TMPRSS6: variants seen among roughly 807,000 people sequenced by gnomAD.
TMPRSS6 encodes the protein transmembrane protease serine 6.
A neutral mutation model predicts 101.5 loss-of-function variants in TMPRSS6; 67 were observed. The observed-to-expected ratio is 0.66, with a 90% confidence interval of 0.54 to 0.81. The LOEUF is 0.81. Ranked by LOEUF, TMPRSS6 falls within the 30% of genes least tolerant of loss-of-function variation. The pLI is 0.00. For missense variants in TMPRSS6, 1,034 were observed against 1,088.7 expected (o/e 0.95, Z 0.71); for synonymous variants, 453 against 464.9 (o/e 0.97, Z 0.33).
At chr22:37,093,239 C>G (rs1043451943) in intron 6 of TMPRSS6, among the ~76,000 whole-genome samples, 3 of 152,116 alleles carry the variant, frequency 2.0e-5, no homozygotes, top group African/African-American at 7.2e-5. Flanking sequence ...GAAACGAACA[C>G]CCACTGAGCA....
rs980649543 is a variant in TMPRSS6, at chr22:37,103,609, C to T, written c.-1-191G>A. ...GAGGGAAGTGCATCTCAGGTCAGCT[C>T]GCACCAGAGGGCAGGCACCAGAGCT... On this transcript the variant is annotated intron_variant, in intron 1 of 17. Transcript: ENST00000676104. This position sits in a 1 kb window ranked among gnomAD's most constrained non-coding sequence, Gnocchi z 4.4. 8 of 1,607,790 alleles carry T rather than the reference C, an allele frequency of 5.0e-6. No homozygotes were observed. In the African/African-American group the frequency reaches 6.7e-5, roughly 13 times the overall value.
rs554506763 is a variant in TMPRSS6, at chr22:37,073,473, T to C, written c.1555+59A>G. 8.4e-5 allele frequency: 99 copies of C among 1,173,118 alleles called. No individual in the cohort carries two copies. In the South Asian group the frequency reaches 9.0e-4, roughly 11 times the overall value. The allele number at this position is 1,173,118 out of a possible 1,614,324, so 72.7% of individuals were successfully genotyped here. A position where few individuals can be genotyped will look rare whatever the true frequency, so the allele number is the denominator to read the frequency against. On this transcript the variant is annotated intron_variant, in intron 13 of 17. Coordinates refer to ENST00000676104, the MANE Select transcript of TMPRSS6 (RefSeq NM_001374504.1). ...GAAGCTAGAAACTTTTGCTGAAGCA[T>C]GTAGCAGGCCTAGACTGCCTTTGGT...
At chr22:37,107,383 C>T (rs958565443) in intron 1 of TMPRSS6, among the ~76,000 whole-genome samples, 1 of 152,082 alleles carries the variant, frequency 6.6e-6, no homozygotes, top group Non-Finnish European at 1.5e-5. Flanking sequence ...CCACTCTTGT[C>T]TTTACTATCT....
chr22:37,098,262 C>A (rs1040303430), intron 3 of TMPRSS6, among the ~76,000 whole-genome samples, 154 bp downstream of exon 3: 1 of 152,138 alleles, frequency 6.6e-6, no homozygotes, highest in Admixed American at 6.5e-5. Flanking sequence ...TCCCATGACC[C>A]TCAACCTCAT....
chr22:37,094,422 GATAGATAT>G (rs764087417), intron 6 of TMPRSS6, among the ~76,000 whole-genome samples: 1 of 149,298 alleles, frequency 6.7e-6, no homozygotes, highest in Non-Finnish European at 1.5e-5. Flanking sequence ...TAGATAGATA[GATAGATAT>G]AAACAGACAG....
chr22:37,102,060 T>C (rs1214952971), intron 2 of TMPRSS6, among the ~76,000 whole-genome samples: 2 of 152,222 alleles, frequency 1.3e-5, no homozygotes, highest in Admixed American at 1.3e-4. Flanking sequence ...CCTGACCCCT[T>C]GGATCTAGGC....
chr22:37,094,920 C>T (rs945668605), intron 6 of TMPRSS6, among the ~76,000 whole-genome samples: 4 of 152,202 alleles, frequency 2.6e-5, no homozygotes, highest in African/African-American at 9.7e-5. Flanking sequence ...CCAGTTGGTG[C>T]ACTGCACAAC....
intron 6 of TMPRSS6, among the ~76,000 whole-genome samples, chr22:37,095,067 G>T (rs993456293): frequency 6.6e-6 from 1 of 152,226 alleles, no homozygotes; most frequent in African/African-American, 2.4e-5. Context: ...GGGAGGGAGG[G>T]CTGATGAGCC....
Position 37,089,838 on chromosome 22 carries a change from C to T in TMPRSS6, c.632-56G>A. 3.2e-6 allele frequency: 5 copies of T among 1,558,926 alleles called. No homozygotes were observed. The South Asian group carries it at 5.9e-5, about 18-fold the overall frequency. On this transcript the variant is annotated intron_variant, in intron 6 of 17. Transcript: ENST00000676104. ...TTCCTGTGAGCCAGAAGGAGGGGAC[C>T]CTGGGGAGCCAGGTCCCTCAAGGTC...
chr22:37,084,324 G>A lies in TMPRSS6; in HGVS notation c.1167C>T (p.Thr389=), dbSNP rs778791480. The A allele has an allele frequency of 6.2e-7, 1 of 1,613,712 alleles. No homozygotes were observed. Among genetic ancestry groups the A allele is most frequent in the Non-Finnish European group, 8.5e-7 (1 of 1,179,820 alleles). The part of the protein sequence containing the change: ...LRRQKYDLPC[T]QGQWTIQNRR... ...TGTTCTGGATCGTCCACTGGCCCTGGGTGCACGGCAAATCATACTTCTGCC... is the reference window on the plus strand; with the variant it reads ...TGTTCTGGATCGTCCACTGGCCCTGAGTGCACGGCAAATCATACTTCTGCC... The change falls in exon 10 of 18, where the codon ACC becomes ACT. Residue 389 remains threonine, a synonymous_variant. Transcript: ENST00000676104.
At chr22:37,067,249 A>T (rs536085686) in intron 16 of TMPRSS6, among the ~76,000 whole-genome samples, 12 of 152,178 alleles carry the variant, frequency 7.9e-5, no homozygotes, top group East Asian at 3.9e-4. Context: ...GGCGGACGGA[A>T]CACCTGAGGT....
At chr22:37,067,056 C>G (rs1926369552) in intron 16 of TMPRSS6, 94 bp from the exon 17 acceptor site, 1 of 1,568,848 alleles carries the variant, frequency 6.4e-7, no homozygotes, top group Non-Finnish European at 8.7e-7. Flanking sequence ...TCTCAGGAGC[C>G]TACTTCTCTC....
chr22:37,084,174 T>C (rs1405701490), intron 10 of TMPRSS6, 121 bp downstream of exon 10: 1 of 876,390 alleles, frequency 1.1e-6, no homozygotes, highest in Non-Finnish European at 1.9e-6. Flanking sequence ...CTCTGCTCGC[T>C]CCCCTTGCTG....
intron 12 of TMPRSS6, among the ~76,000 whole-genome samples, chr22:37,074,396 T>C (rs1269913959): frequency 6.6e-6 from 1 of 151,968 alleles, no homozygotes; most frequent in Non-Finnish European, 1.5e-5. Context: ...TCCCCACTTC[T>C]CCCTGCCACT....
intron 1 of TMPRSS6, among the ~76,000 whole-genome samples, chr22:37,105,108 G>A (rs1273667151): frequency 1.3e-5 from 2 of 152,186 alleles, no homozygotes; most frequent in Non-Finnish European, 2.9e-5. Flanking sequence ...TGGATGTGAA[G>A]GGCCCTGGCC....
intron 15 of TMPRSS6, 31 bp downstream of exon 15, chr22:37,070,449 TCTTA>T (rs1284355077): frequency 3.7e-6 from 6 of 1,612,808 alleles, no homozygotes; most frequent in Non-Finnish European, 5.1e-6. Context: ...TGCCCTTGTC[TCTTA>T]CTGCCTAGGC....
rs1297885242 is a variant in TMPRSS6, at chr22:37,103,341, C to T, written c.77G>A (p.Gly26Glu). The change falls in exon 2 of 18, where the codon GGG becomes GAG. Residue 26 changes from glycine (G) to glutamate (E), a missense_variant. Gly to Glu is a moderately conservative substitution (Grantham distance 98). Transcript: ENST00000676104. This position sits in a 1 kb window ranked among gnomAD's most constrained non-coding sequence, Gnocchi z 4.4. ...GGDGEEAEPE[G>E]MFKACEDSKR... ...GGAGTCCTCACAGGCCTTGAACATCCCCTCCGGCTCCGCTTCCTCGCCATC... is the reference window on the plus strand; with the variant it reads ...GGAGTCCTCACAGGCCTTGAACATCTCCTCCGGCTCCGCTTCCTCGCCATC... 1.2e-6 allele frequency: 2 copies of T among 1,614,198 alleles called. No homozygotes were observed. Among genetic ancestry groups the T allele is most frequent in the East Asian group, 4.5e-5 (2 of 44,886 alleles).
At chr22:37,075,693 G>A (rs1312269454) in intron 10 of TMPRSS6, among the ~76,000 whole-genome samples, 1 of 152,200 alleles carries the variant, frequency 6.6e-6, no homozygotes, top group South Asian at 2.1e-4. Context: ...ACCTGAAGTC[G>A]GGAGTTCGAG....
chr22:37,072,855 G>A (rs1379262335), intron 13 of TMPRSS6, among the ~76,000 whole-genome samples: 1 of 145,696 alleles, frequency 6.9e-6, no homozygotes, highest in African/African-American at 2.5e-5. Context: ...TGGATGGATG[G>A]ATGATGGATG....
Sources: gnomAD v4.1 joint callset for allele counts (sites outside exome capture counted in the v4.1 genomes callset) on GRCh38, gnomAD v4.1.1 for gene constraint, Gnocchi (gnomAD v3.1) non-coding constraint, MANE v1.5 for transcripts, NCBI Gene and HGNC (gene_info 2026-07-23, HGNC 2026-07-21) for gene names.